USP44: variants seen among roughly 807,000 people sequenced by gnomAD.
The protein encoded by USP44 is ubiquitin carboxyl-terminal hydrolase 44.
In USP44, 61 loss-of-function variants were observed where a neutral mutation model predicts 69.0. That is an observed-to-expected ratio of 0.88 (90% CI 0.72 to 1.09). USP44 has a LOEUF of 1.09. Among genes scored for constraint, USP44 ranks in the 50% least tolerant of loss-of-function variants. The pLI, the probability that USP44 is intolerant of heterozygous loss-of-function variation, is 0.00. For missense variants in USP44, 753 were observed against 849.9 expected (o/e 0.89, Z 1.42); for synonymous variants, 297 against 295.4 (o/e 1.01, Z -0.06).
intron 3 of USP44, among the ~76,000 whole-genome samples, chr12:95,525,016 T>C (rs768378774): frequency 1.3e-5 from 2 of 152,230 alleles, no homozygotes; most frequent in Non-Finnish European, 2.9e-5. Flanking sequence ...ATCAAGTACA[T>C]GATTTAATAA....
At chr12:95,535,210 C>A (rs947042874) in intron 1 of USP44, among the ~76,000 whole-genome samples, 2 of 152,032 alleles carry the variant, frequency 1.3e-5, no homozygotes, top group African/African-American at 4.8e-5. Flanking sequence ...AAAATCATAC[C>A]AACTTCAATT....
At chr12:95,545,266 T>G (rs2077533029) in intron 1 of USP44, among the ~76,000 whole-genome samples, 1 of 151,630 alleles carries the variant, frequency 6.6e-6, no homozygotes, top group Non-Finnish European at 1.5e-5. Context: ...AAAATAAAAG[T>G]GTCACAGTAA....
chr12:95,541,150 G>A (rs566066962), intron 1 of USP44, among the ~76,000 whole-genome samples: 108 of 152,264 alleles, frequency 7.1e-4, no homozygotes, highest in African/African-American at 2.3e-3. Context: ...ATGGTGGCAG[G>A]TGCCTGTAAT....
chr12:95,547,199 G>A (rs551925135), intron 1 of USP44, among the ~76,000 whole-genome samples: 2 of 152,224 alleles, frequency 1.3e-5, no homozygotes, highest in Admixed American at 1.3e-4. Flanking sequence ...GATACACAAA[G>A]TAGTCAAAAT....
chr12:95,523,713 C>G (rs1351050177), intron 4 of USP44, among the ~76,000 whole-genome samples: 3 of 132,502 alleles, frequency 2.3e-5, no homozygotes, highest in Non-Finnish European at 3.4e-5. Context: ...AAAAGAGATA[C>G]AATAAACTGA....
intron 1 of USP44, among the ~76,000 whole-genome samples, chr12:95,543,655 A>AT (rs1383829352): frequency 1.3e-5 from 2 of 151,530 alleles, no homozygotes; most frequent in African/African-American, 4.8e-5. Context: ...GGGTAGCTAA[A>AT]TTTTTTTTAC....
intron 1 of USP44, among the ~76,000 whole-genome samples, chr12:95,550,809 T>C (rs1340162681): frequency 6.6e-6 from 1 of 152,076 alleles, no homozygotes; most frequent in East Asian, 1.9e-4. Context: ...AAAGGCAAGC[T>C]GTGTAAGGCA....
chr12:95,518,095 A>G lies in USP44; in HGVS notation c.*59T>C. On this transcript the variant is annotated 3_prime_UTR_variant, in exon 6 of 6. Coordinates refer to ENST00000258499, the MANE Select transcript of USP44 (RefSeq NM_032147.5). ...GAAAAAATGAAGTTTAAAATGGTAC[A>G]TCAGTCTTTTAAAAAGTATATATAT... The G allele has an allele frequency of 1.9e-6, 3 of 1,558,304 alleles. No individual in the cohort carries two copies. The highest frequency in any genetic ancestry group is 4.5e-5 in the East Asian group (2 of 44,450).
At chr12:95,526,847 T>C in intron 3 of USP44, among the ~76,000 whole-genome samples, 1 of 152,286 alleles carries the variant, frequency 6.6e-6, no homozygotes, top group Middle Eastern at 3.4e-3. Flanking sequence ...CACTACACTA[T>C]ACTACACTAT....
intron 1 of USP44, among the ~76,000 whole-genome samples, chr12:95,550,168 C>G (rs1248212694): frequency 8.2e-6 from 1 of 121,992 alleles, no homozygotes; most frequent in African/African-American, 3.2e-5. Flanking sequence ...GCAACAAGAG[C>G]GAAACTCCGT....
chr12:95,519,432 A>ATTTTTTTTTTTTTT (rs60940181), intron 5 of USP44, among the ~76,000 whole-genome samples: 1 of 84,544 alleles, frequency 1.2e-5, no homozygotes, highest in Non-Finnish European at 2.2e-5. Context: ...CTCAATCTGT[A>ATTTTTTTTTTTTTT]TTTTTTTTTT....
chr12:95,543,406 C>CAAAAAAAAAAAAAAAAAA (rs60127958), intron 1 of USP44, among the ~76,000 whole-genome samples: 7 of 43,154 alleles, frequency 1.6e-4, no homozygotes, highest in African/African-American at 1.7e-4. Flanking sequence ...GACTCTTTCT[C>CAAAAAAAAAAAAAAAAAA]AAAAAAAAAA....
chr12:95,533,172 T>A lies in USP44; in HGVS notation c.1085A>T (p.Lys362Ile), dbSNP rs1565821174. ...CTGAATAAGTTCCATCTTTCTACCT[T>A]TTGATGCTCCACCACTTAGTCCTGA... ...LSSGLSGGASKGRKMELIQPK... is the reference protein window; with the variant it reads ...LSSGLSGGASIGRKMELIQPK... The change falls in exon 2 of 6, where the codon AAA becomes ATA. Residue 362 changes from lysine (K) to isoleucine (I), a missense_variant. Transcript: ENST00000258499. 3.1e-6 allele frequency: 5 copies of A among 1,614,200 alleles called. No homozygotes were observed. The highest frequency in any genetic ancestry group is 4.2e-6 in the Non-Finnish European group (5 of 1,180,040).
In USP44 at chr12:95,521,213, A is replaced by G. The variant is rs757714006; in HGVS notation, c.1734-11T>C. ...TTACGTCCTGACCACCTGTGAACAA[A>G]CCAGTGTAAAATTATCCACACAATT... On this transcript the variant is annotated splice_polypyrimidine_tract_variant and intron_variant, in intron 4 of 5. Coordinates refer to ENST00000258499, the MANE Select transcript of USP44 (RefSeq NM_032147.5). 27 of 1,613,920 alleles carry G rather than the reference A, an allele frequency of 1.7e-5. No homozygotes were observed. Among genetic ancestry groups the G allele is most frequent in the Non-Finnish European group, 2.3e-5 (27 of 1,179,930 alleles).
At chr12:95,547,163 T>C (rs2077600344) in intron 1 of USP44, among the ~76,000 whole-genome samples, 1 of 152,124 alleles carries the variant, frequency 6.6e-6, no homozygotes, top group Non-Finnish European at 1.5e-5. Context: ...CTCAAACAAT[T>C]AACATTTGGG....
At chr12:95,538,070 C>T (rs192567032) in intron 1 of USP44, among the ~76,000 whole-genome samples, 3 of 152,172 alleles carry the variant, frequency 2.0e-5, no homozygotes, top group Admixed American at 6.5e-5. Flanking sequence ...CTATTTGATA[C>T]AAAATTGTGA....
rs1482299832 is a variant in USP44, at chr12:95,533,303, T to C, written c.954A>G (p.Thr318=). The part of the protein sequence containing the change: ...QWLAMTASEK[T]RSCKHPPVTD... ...TGACTGGTGGATGCTTACAAGATCT[T>C]GTCTTCTCGCTAGCAGTCATAGCCA... Residue 318 remains threonine, a synonymous_variant, in exon 2 of 6, where the codon ACA becomes ACG. Transcript: ENST00000258499. The C allele has an allele frequency of 6.2e-7, 1 of 1,614,124 alleles. No individual in the cohort carries two copies. The highest frequency in any genetic ancestry group is 1.7e-5 in the Admixed American group (1 of 60,018).
intron 1 of USP44, among the ~76,000 whole-genome samples, chr12:95,538,065 T>C (rs1028033117): frequency 1.3e-5 from 2 of 152,212 alleles, no homozygotes; most frequent in Non-Finnish European, 2.9e-5. Context: ...TCATTCTATT[T>C]GATACAAAAT....
chr12:95,519,985 G>A (rs112070299), intron 5 of USP44, among the ~76,000 whole-genome samples: 10 of 123,540 alleles, frequency 8.1e-5, no homozygotes, highest in African/African-American at 2.9e-4. Context: ...TCTAGCCCAG[G>A]GGAAAGAGTG....
Sources: allele counts gnomAD v4.1 joint callset (sites outside exome capture counted in the v4.1 genomes callset), GRCh38; gene constraint gnomAD v4.1.1; transcripts MANE v1.5; gene names NCBI Gene and HGNC (gene_info 2026-07-23, HGNC 2026-07-21).